Variants in XKR3 observed in about 807,000 individuals in gnomAD.
The protein encoded by XKR3 is XK related 3.
Under a neutral mutation model 40.3 loss-of-function variants are expected in XKR3, and 27 were observed. The observed-to-expected ratio is 0.67, with a 90% CI of 0.49 to 0.92. The LOEUF is 0.92. Ranked by LOEUF, XKR3 falls within the 40% of genes least tolerant of loss-of-function variation. XKR3 has a pLI of 0.00. For missense variants in XKR3, 472 were observed against 537.6 expected (o/e 0.88, Z 1.21); for synonymous variants, 193 against 195.4 (o/e 0.99, Z 0.10).
intron 2 of XKR3, among the ~76,000 whole-genome samples, chr22:16,806,260 C>CAAAAAA (rs59631397): frequency 0.084 from 11,067 of 131,416 alleles, 549 homozygotes; most frequent in South Asian, 0.13. Flanking sequence ...TAGTTCATCT[C>CAAAAAA]AAAAAAAAAA....
At chr22:16,792,413 T>C (rs2060124234) in intron 3 of XKR3, among the ~76,000 whole-genome samples, 1 of 152,210 alleles carries the variant, frequency 6.6e-6, no homozygotes, top group Non-Finnish European at 1.5e-5. Flanking sequence ...GAAAACTGCA[T>C]CTAATGCCAT....
intron 3 of XKR3, among the ~76,000 whole-genome samples, chr22:16,787,564 T>TA (rs58712714): frequency 2.5e-4 from 35 of 142,510 alleles, no homozygotes; most frequent in African/African-American, 6.8e-4. Context: ...CGTCTCAAAT[T>TA]AAAAAAAAAA....
chr22:16,814,714 C>T (rs1035211361), intron 1 of XKR3, among the ~76,000 whole-genome samples: 2 of 151,922 alleles, frequency 1.3e-5, no homozygotes, highest in African/African-American at 4.8e-5. Context: ...GTATTTTATT[C>T]TCTTATCTTT....
chr22:16,789,358 A>G (rs1194267090), intron 3 of XKR3, among the ~76,000 whole-genome samples: 17 of 152,316 alleles, frequency 1.1e-4, no homozygotes, highest in African/African-American at 3.8e-4. Flanking sequence ...ATTTTCATAT[A>G]CTAATACGAA....
chr22:16,786,925 G>A (rs1362151110), intron 3 of XKR3, among the ~76,000 whole-genome samples: 2 of 152,054 alleles, frequency 1.3e-5, no homozygotes, highest in African/African-American at 2.4e-5. Context: ...TGAGTGACCC[G>A]AAAGAGATGG....
chr22:16,806,948 A>G (rs2060192110), intron 2 of XKR3, among the ~76,000 whole-genome samples: 1 of 152,196 alleles, frequency 6.6e-6, no homozygotes, highest in Admixed American at 6.5e-5. Flanking sequence ...GTCCATAAAT[A>G]TGAAGAATTG....
In XKR3 at chr22:16,804,176, GA is replaced by G. The variant is rs201231338; in HGVS notation, c.335+3562del. Among the ~76,000 whole-genome samples, 335 of 150,822 alleles carry G rather than the reference GA, an allele frequency of 2.2e-3. 1 individual carries two copies. The highest frequency in any genetic ancestry group is 4.0e-3 in the Non-Finnish European group (272 of 67,600). On this transcript the variant is annotated intron_variant, in intron 2 of 3. Transcript: ENST00000684488. ...CAGACTAGGAAAAGCCATCAATTAAGAAAAAAAAAGCTAGTACAATATTTCA... is the reference window on the plus strand; with the variant it reads ...CAGACTAGGAAAAGCCATCAATTAAGAAAAAAAAGCTAGTACAATATTTCA...
At chr22:16,817,347 C>T (rs1419202587) in intron 1 of XKR3, among the ~76,000 whole-genome samples, 2 of 53,460 alleles carry the variant, frequency 3.7e-5, no homozygotes, top group Non-Finnish European at 5.5e-5. Flanking sequence ...GGGCATCGAA[C>T]GTCCACCAAT....
At chr22:16,812,013 A>T (rs1317675215) in intron 1 of XKR3, among the ~76,000 whole-genome samples, 1 of 152,176 alleles carries the variant, frequency 6.6e-6, no homozygotes, top group Non-Finnish European at 1.5e-5. Flanking sequence ...TGTCTCAAAA[A>T]ACAAAACAAA....
At chr22:16,805,053 T>C (rs113294022) in intron 2 of XKR3, among the ~76,000 whole-genome samples, 3 of 152,190 alleles carry the variant, frequency 2.0e-5, no homozygotes, top group African/African-American at 7.2e-5. Flanking sequence ...ATTTTCAATA[T>C]AGTACTAGAG....
rs369023143 is a variant in XKR3 at position 16,783,721 on chromosome 22, G to A, written c.1278C>T (p.Ile426=). The change falls in exon 4 of 4, where the codon ATC becomes ATT. Residue 426 remains isoleucine, a synonymous_variant. Transcript: ENST00000684488. ...QPEAPYYYVN[I]EKTEKNKNKQ... ...TATTTTTATTCTTTTCAGTTTTCTC[G>A]ATGTTTACATAATAGTACGGTGCTT... The A allele has an allele frequency of 8.6e-5, 138 of 1,613,740 alleles. No individual in the cohort carries two copies. The highest frequency in any genetic ancestry group is 1.1e-4 in the Non-Finnish European group (124 of 1,179,954).
At chr22:16,809,642 A>G (rs537112366) in intron 1 of XKR3, among the ~76,000 whole-genome samples, 45 of 152,354 alleles carry the variant, frequency 3.0e-4, no homozygotes, top group Admixed American at 2.7e-3. Context: ...CATTGATAAT[A>G]TGCTCTCATT....
intron 1 of XKR3, among the ~76,000 whole-genome samples, chr22:16,811,639 G>A (rs1477917107): frequency 3.9e-5 from 6 of 152,016 alleles, no homozygotes; most frequent in Admixed American, 1.3e-4. Flanking sequence ...TCACGTGTAC[G>A]CTGAACAATT....
intron 3 of XKR3, among the ~76,000 whole-genome samples, chr22:16,790,568 G>C (rs1415367439): frequency 6.6e-6 from 1 of 152,058 alleles, no homozygotes; most frequent in Non-Finnish European, 1.5e-5. Flanking sequence ...CAGAGTGGGA[G>C]GAAGGAGAAC....
chr22:16,790,244 G>T (rs1447084517), intron 3 of XKR3, among the ~76,000 whole-genome samples: 1 of 60,874 alleles, frequency 1.6e-5, no homozygotes, highest in African/African-American at 6.4e-5. Flanking sequence ...GTCTGGGCAA[G>T]GATTTTTTTT....
chr22:16,792,372 T>C (rs1297919021), intron 3 of XKR3, among the ~76,000 whole-genome samples: 1 of 152,204 alleles, frequency 6.6e-6, no homozygotes, highest in Non-Finnish European at 1.5e-5. Flanking sequence ...AACACACAAA[T>C]ACACGCAGTC....
chr22:16,818,390 T>C (rs2146179847), intron 1 of XKR3, among the ~76,000 whole-genome samples: 1 of 152,116 alleles, frequency 6.6e-6, no homozygotes, highest in Non-Finnish European at 1.5e-5. Flanking sequence ...AGATACTGGG[T>C]TTTCTTATTG....
intron 1 of XKR3, among the ~76,000 whole-genome samples, chr22:16,821,020 T>C (rs889060359): frequency 6.6e-6 from 1 of 152,244 alleles, no homozygotes; most frequent in African/African-American, 2.4e-5. Context: ...ACAAGATATA[T>C]GACTGACATA....
At chr22:16,804,856 G>A (rs1461818027) in intron 2 of XKR3, among the ~76,000 whole-genome samples, 4 of 152,062 alleles carry the variant, frequency 2.6e-5, no homozygotes, top group Admixed American at 1.3e-4. Flanking sequence ...ATAAAACCAC[G>A]CTGTACCCTG....
Sources: gnomAD v4.1 joint callset for allele counts (sites outside exome capture counted in the v4.1 genomes callset) on GRCh38, gnomAD v4.1.1 for gene constraint, MANE v1.5 for transcripts, NCBI Gene and HGNC (gene_info 2026-07-23, HGNC 2026-07-21) for gene names.